The following IGFL2 variants were observed in gnomAD, a reference collection of about 807,000 sequenced individuals.
IGFL2 encodes insulin growth factor-like family member 2.
Under a neutral mutation model 13.9 loss-of-function variants are expected in IGFL2, and 7 were observed. The ratio of observed to expected loss-of-function variants is 0.51; its 90% CI spans 0.29 to 0.95. The LOEUF (loss-of-function observed/expected upper bound fraction) is 0.95, where lower values mean the gene tolerates loss of function less well. Ranked by LOEUF, IGFL2 falls within the 40% of genes least tolerant of loss-of-function variation. The pLI is 0.08. For synonymous variants in IGFL2, 55 were observed against 55.8 expected (o/e 0.99, Z 0.07); for missense variants, 138 against 147.8 (o/e 0.93, Z 0.34).
At chr19:46,089,611 C>G in the IGFL2 span, among the ~76,000 whole-genome samples, 1 of 149,908 alleles carries the variant, frequency 6.7e-6, no homozygotes, top group Non-Finnish European at 1.5e-5. Flanking sequence ...TCCTTCATTT[C>G]TGAAGAAGAT....
chr19:46,208,754 G>T, the IGFL2 span: 2 of 152,176 alleles, frequency 1.3e-5, no homozygotes, highest in African/African-American at 4.8e-5. Context: ...TGCCACCATG[G>T]AAGGCGTGCC....
chr19:46,096,851 G>GC, the IGFL2 span, among the ~76,000 whole-genome samples: 1 of 152,198 alleles, frequency 6.6e-6, no homozygotes, highest in Non-Finnish European at 1.5e-5. Context: ...AACCAGCCTT[G>GC]CATCCCATGG....
the IGFL2 span, among the ~76,000 whole-genome samples, chr19:46,094,880 T>G: frequency 6.6e-6 from 1 of 152,364 alleles, no homozygotes; most frequent in African/African-American, 2.4e-5. Flanking sequence ...TATGGCTACA[T>G]AGTATTCCAT....
chr19:46,145,938 T>C (rs1435033977), upstream of IGFL2, among the ~76,000 whole-genome samples: 3 of 152,224 alleles, frequency 2.0e-5, no homozygotes, highest in African/African-American at 7.2e-5. Flanking sequence ...TGGTAGCCTG[T>C]CTGTTGCTTC....
At chr19:46,082,663 C>T in the IGFL2 span, among the ~76,000 whole-genome samples, 724 of 150,702 alleles carry the variant, frequency 4.8e-3, 6 homozygotes, top group African/African-American at 0.016. Flanking sequence ...TCCACTCTGT[C>T]ACGCAGCTGG....
the IGFL2 span, among the ~76,000 whole-genome samples, chr19:46,103,277 A>G: frequency 6.6e-6 from 1 of 152,088 alleles, no homozygotes; most frequent in Non-Finnish European, 1.5e-5. Context: ...TTTAGCAGTA[A>G]GTCAAAGCCT....
At chr19:46,124,431 C>T in the IGFL2 span, 2 of 1,284,968 alleles carry the variant, frequency 1.6e-6, no homozygotes, top group Non-Finnish European at 2.2e-6. Flanking sequence ...TGGAGATTAT[C>T]ACTTGGGGCT....
chr19:46,197,805 T>G, the IGFL2 span, among the ~76,000 whole-genome samples: 16 of 151,940 alleles, frequency 1.1e-4, no homozygotes, highest in African/African-American at 3.9e-4. Context: ...GTCCTGGGAT[T>G]AAAGGTGTGA....
At chr19:46,177,283 A>G in the IGFL2 span, among the ~76,000 whole-genome samples, 1 of 152,036 alleles carries the variant, frequency 6.6e-6, no homozygotes, top group Non-Finnish European at 1.5e-5. Flanking sequence ...ATCCCAGCTA[A>G]TGGGGAGGCT....
chr19:46,095,927 T>C, the IGFL2 span, among the ~76,000 whole-genome samples: 1 of 151,868 alleles, frequency 6.6e-6, no homozygotes, highest in Non-Finnish European at 1.5e-5. Context: ...TGTAGCCTTG[T>C]CATATAGTTT....
At chr19:46,186,485 C>G in the IGFL2 span, among the ~76,000 whole-genome samples, 2 of 152,188 alleles carry the variant, frequency 1.3e-5, no homozygotes, top group Admixed American at 1.3e-4. Flanking sequence ...TGACCTTGTT[C>G]CTGCAGGGAA....
chr19:46,169,847 C>CAAAA, the IGFL2 span, among the ~76,000 whole-genome samples: 1 of 113,652 alleles, frequency 8.8e-6, no homozygotes, highest in Non-Finnish European at 1.8e-5. Flanking sequence ...GACTCTGTCT[C>CAAAA]AAAAAAAAAA....
the IGFL2 span, among the ~76,000 whole-genome samples, chr19:46,086,261 T>C: frequency 6.6e-6 from 1 of 152,306 alleles, no homozygotes; most frequent in Admixed American, 6.5e-5. Flanking sequence ...TTGTATGTCA[T>C]TGAGAACAAC....
chr19:46,123,307 C>T, the IGFL2 span, among the ~76,000 whole-genome samples: 1 of 150,720 alleles, frequency 6.6e-6, no homozygotes, highest in African/African-American at 2.5e-5. Flanking sequence ...TAAAATTCAT[C>T]TTAAAAATAG....
chr19:46,092,081 A>G, the IGFL2 span, among the ~76,000 whole-genome samples: 1 of 152,204 alleles, frequency 6.6e-6, no homozygotes, highest in Non-Finnish European at 1.5e-5. Context: ...TAAGTTAAAT[A>G]ATTACTTTCA....
chr19:46,197,265 A>G, the IGFL2 span: 5 of 193,040 alleles, frequency 2.6e-5, no homozygotes, highest in East Asian at 4.9e-4. Flanking sequence ...CCCTGACCTC[A>G]GATAACAGGC....
chr19:46,104,097 G>A, the IGFL2 span, among the ~76,000 whole-genome samples: 2 of 152,174 alleles, frequency 1.3e-5, no homozygotes, highest in Non-Finnish European at 2.9e-5. Flanking sequence ...GAGTAGGCAA[G>A]AGAAGATGAG....
At chr19:46,082,580 A>G in the IGFL2 span, among the ~76,000 whole-genome samples, 15 of 151,770 alleles carry the variant, frequency 9.9e-5, no homozygotes, top group Admixed American at 9.2e-4. Flanking sequence ...TGTAAGAGAG[A>G]GGGTAGAAGC....
At chr19:46,105,674 A>C in the IGFL2 span, among the ~76,000 whole-genome samples, 1 of 151,756 alleles carries the variant, frequency 6.6e-6, no homozygotes, top group Non-Finnish European at 1.5e-5. Context: ...TGTGAGGAAG[A>C]AAATAGATTT....
Sources: gnomAD v4.1 joint callset for allele counts (sites outside exome capture counted in the v4.1 genomes callset) on GRCh38, gnomAD v4.1.1 for gene constraint, MANE v1.5 for transcripts, NCBI Gene and HGNC (gene_info 2026-07-23, HGNC 2026-07-21) for gene names.